The following MAGI2 variants were observed in gnomAD, a reference collection of about 807,000 sequenced individuals.
The protein encoded by MAGI2 is membrane associated guanylate kinase, WW and PDZ domain containing 2, also known as membrane-associated guanylate kinase, WW and PDZ domain-containing protein 2.
A neutral mutation model predicts 133.3 loss-of-function variants in MAGI2; 35 were observed. The observed-to-expected ratio is 0.26, with a 90% CI of 0.20 to 0.35. MAGI2 has a LOEUF of 0.35. Ranked by LOEUF, MAGI2 falls within the 10% of genes least tolerant of loss-of-function variation. MAGI2 has a pLI of 1.00. For missense variants in MAGI2, 1,636 were observed against 1,863.4 expected, an observed-to-expected ratio of 0.88 and a Z score of 2.25; for synonymous variants, 729 against 710.6, an observed-to-expected ratio of 1.03 and a Z score of -0.41.
chr7:79,451,413 C>A (rs890993665), intron 1 of MAGI2, among the ~76,000 whole-genome samples: 3 of 152,158 alleles, frequency 2.0e-5, no homozygotes, highest in African/African-American at 7.2e-5. Context: ...TAACATGAAT[C>A]TCTGTATTTG....
At chr7:78,799,149 A>G (rs1379609060) in intron 2 of MAGI2, among the ~76,000 whole-genome samples, 2 of 152,088 alleles carry the variant, frequency 1.3e-5, no homozygotes, top group Admixed American at 1.3e-4. Context: ...CTTGCTAACG[A>G]TTTGCTGAAC....
At position 78,345,912 on chromosome 7, in the gene MAGI2, G is replaced by A. The variant is rs1205208391; in HGVS notation, c.1225+10C>T. 4 of 1,613,060 alleles carry A rather than the reference G, an allele frequency of 2.5e-6. No individual in the cohort carries two copies. In the African/African-American group the frequency reaches 4.0e-5, roughly 16 times the overall value. On this transcript the variant is annotated intron_variant, in intron 8 of 21. Coordinates refer to ENST00000354212, the MANE Select transcript of MAGI2 (RefSeq NM_012301.4). ...CCCTTTGAAACATCACATGCTGACA[G>A]GTATCATACCTCGGAAACCTGGGGC...
chr7:79,007,233 A>G, intron 1 of MAGI2, 27 bp from the exon 2 acceptor site: 1 of 1,352,298 alleles, frequency 7.4e-7, no homozygotes, highest in African/African-American at 1.5e-5. Context: ...TTTCTTGGTA[A>G]GGGATGTTGG....
intron 1 of MAGI2, among the ~76,000 whole-genome samples, chr7:79,136,941 G>A (rs1666398246): frequency 6.6e-6 from 1 of 152,136 alleles, no homozygotes; most frequent in African/African-American, 2.4e-5. Flanking sequence ...ATTGGTCCCA[G>A]GGGTCCACCA....
chr7:79,125,849 G>C (rs1452911314), intron 1 of MAGI2: 3 of 471,880 alleles, frequency 6.4e-6, no homozygotes, highest in South Asian at 4.5e-5. Context: ...CTTAGCAGAA[G>C]AGGAGAGCCA....
chr7:78,810,067 GAT>G (rs1404758290), intron 2 of MAGI2, among the ~76,000 whole-genome samples: 3 of 152,144 alleles, frequency 2.0e-5, no homozygotes, highest in Non-Finnish European at 4.4e-5. Flanking sequence ...AATGTTGAAA[GAT>G]ATGTAAGAAA....
intron 1 of MAGI2, among the ~76,000 whole-genome samples, chr7:79,355,522 GAAGT>G (rs1239025961): frequency 1.3e-5 from 2 of 152,172 alleles, no homozygotes; most frequent in Non-Finnish European, 1.5e-5. Context: ...TACATTTAAA[GAAGT>G]AAGTTCACTG....
chr7:79,371,622 C>T (rs1019633802), intron 1 of MAGI2, among the ~76,000 whole-genome samples: 4 of 151,994 alleles, frequency 2.6e-5, no homozygotes, highest in Admixed American at 1.3e-4. Flanking sequence ...TATATAATAG[C>T]GTACATATGT....
At chr7:78,200,981 G>A (rs1228700484) in intron 11 of MAGI2, among the ~76,000 whole-genome samples, 181 bp downstream of exon 11, 2 of 152,162 alleles carry the variant, frequency 1.3e-5, no homozygotes, top group Non-Finnish European at 2.9e-5. Context: ...GGAAGGTAAG[G>A]TGAGTGACTC....
intron 6 of MAGI2, among the ~76,000 whole-genome samples, chr7:78,404,531 T>C (rs966336729): frequency 1.5e-4 from 23 of 152,134 alleles, no homozygotes; most frequent in African/African-American, 3.6e-4. Flanking sequence ...TACAACCACC[T>C]GATCTTTGAC....
chr7:79,271,486 A>G, intron 1 of MAGI2, among the ~76,000 whole-genome samples: 1 of 152,216 alleles, frequency 6.6e-6, no homozygotes. Context: ...TGGCTTTATA[A>G]AGCTTTTATA....
chr7:78,306,446 A>G (rs1276781691), intron 9 of MAGI2, among the ~76,000 whole-genome samples: 2 of 152,208 alleles, frequency 1.3e-5, no homozygotes. Context: ...ACTAGTTGAC[A>G]CTGGTTTGTT....
intron 21 of MAGI2, among the ~76,000 whole-genome samples, chr7:78,025,870 A>G (rs1237004225): frequency 2.0e-5 from 3 of 152,186 alleles, no homozygotes; most frequent in Non-Finnish European, 4.4e-5. Context: ...CTGAATTTTT[A>G]TGGATGTTCT....
intron 9 of MAGI2, among the ~76,000 whole-genome samples, chr7:78,297,111 ATAACTC>A (rs1258308805): frequency 6.6e-6 from 1 of 152,256 alleles, no homozygotes; most frequent in Non-Finnish European, 1.5e-5. Context: ...GTGGTGGAGT[ATAACTC>A]TAAGGTGTGA....
chr7:79,450,348 T>TC (rs1225552753), intron 1 of MAGI2, among the ~76,000 whole-genome samples: 2 of 152,064 alleles, frequency 1.3e-5, no homozygotes, highest in African/African-American at 2.4e-5. Flanking sequence ...AAAATTTCAT[T>TC]TTTTATAATC....
chr7:78,826,607 A>G (rs1790674684), intron 2 of MAGI2, among the ~76,000 whole-genome samples: 1 of 152,166 alleles, frequency 6.6e-6, no homozygotes, highest in Admixed American at 6.5e-5. Flanking sequence ...GCATTTGTCA[A>G]ATATCATGGA....
intron 2 of MAGI2, among the ~76,000 whole-genome samples, chr7:78,641,869 C>A (rs1349895754): frequency 6.6e-6 from 1 of 152,196 alleles, no homozygotes; most frequent in South Asian, 2.1e-4. Flanking sequence ...AGGGGAAATA[C>A]GTGTTTTGTG....
At chr7:79,161,826 C>T (rs767446208) in intron 1 of MAGI2, among the ~76,000 whole-genome samples, 6 of 151,968 alleles carry the variant, frequency 3.9e-5, no homozygotes, top group Admixed American at 1.3e-4. Flanking sequence ...TAGTTGTTTG[C>T]GTAAGTTCGA....
intron 2 of MAGI2, among the ~76,000 whole-genome samples, chr7:78,685,809 T>G (rs1156776193): frequency 1.3e-5 from 2 of 152,008 alleles, no homozygotes; most frequent in African/African-American, 4.8e-5. Flanking sequence ...AGAAAGGTTC[T>G]GTGGGCAAAT....
Sources: allele counts gnomAD v4.1 joint callset (sites outside exome capture counted in the v4.1 genomes callset), GRCh38; gene constraint gnomAD v4.1.1; transcripts MANE v1.5; gene names NCBI Gene and HGNC (gene_info 2026-07-23, HGNC 2026-07-21).